Variants in MAN2A1 observed in about 807,000 individuals in gnomAD.
MAN2A1 encodes the protein alpha-mannosidase 2.
In MAN2A1, 76 loss-of-function variants were observed where a neutral mutation model predicts 142.6. The ratio of observed to expected loss-of-function variants is 0.53; its 90% CI spans 0.44 to 0.65. The LOEUF is 0.65. MAN2A1 is among the 30% of genes least tolerant of loss of function. The pLI, the probability that MAN2A1 is intolerant of heterozygous loss-of-function variation, is 0.00. For missense variants in MAN2A1, 1,311 were observed against 1,365.1 expected, an observed-to-expected ratio of 0.96 and a Z score of 0.62; for synonymous variants, 559 against 473.2, an observed-to-expected ratio of 1.18 and a Z score of -2.35.
chr5:109,764,119 C>G (rs1752928607), intron 5 of MAN2A1, among the ~76,000 whole-genome samples: 1 of 152,030 alleles, frequency 6.6e-6, no homozygotes, highest in Non-Finnish European at 1.5e-5. Context: ...CTTTTTTGAG[C>G]TTTTAAAGTT....
intron 5 of MAN2A1, among the ~76,000 whole-genome samples, chr5:109,758,461 C>T (rs986562477): frequency 6.6e-6 from 1 of 151,452 alleles, no homozygotes; most frequent in African/African-American, 2.4e-5. Flanking sequence ...TTTATTTTCT[C>T]ATTCTGTGGT....
In MAN2A1 at chr5:109,819,879, C is replaced by A. The variant is rs943823136; in HGVS notation, c.2320C>A (p.Leu774Ile). The A allele has an allele frequency of 6.3e-7, 1 of 1,580,196 alleles. No homozygotes were observed. Among genetic ancestry groups the A allele is most frequent in the Non-Finnish European group, 8.6e-7 (1 of 1,161,660 alleles). ...FVLLRFDQTG[L>I]MKQMMTKEDG... is the part of the protein sequence containing the mutation. ...TTTACTTCGGTTTGATCAAACTGGA[C>A]TTATGAAGGTATGTTCTGAATAGTT... The change falls in exon 14 of 22, where the codon CTT (leucine) becomes ATT (isoleucine). Residue 774 changes from leucine (L) to isoleucine (I), a missense_variant. Physicochemically the swap from Leu to Ile is conservative, Grantham distance 5 (BLOSUM62 2). This residue lies in a region of MAN2A1 where 890 missense variants were observed against 920.5 expected (regional missense o/e 0.97). Transcript: ENST00000261483.
chr5:109,729,992 G>C (rs758917715), intron 4 of MAN2A1, among the ~76,000 whole-genome samples: 11 of 151,882 alleles, frequency 7.2e-5, no homozygotes, highest in Non-Finnish European at 1.3e-4. Context: ...ACTCTGCCTT[G>C]GGGGAAAAAA....
intron 1 of MAN2A1, among the ~76,000 whole-genome samples, chr5:109,698,542 ATTTG>A (rs1208104235): frequency 6.6e-6 from 1 of 151,654 alleles, no homozygotes; most frequent in East Asian, 1.9e-4. Context: ...TTTTTTAAGT[ATTTG>A]TTTTTTTGCA....
At chr5:109,843,758 AAT>A (rs1755277197) in intron 17 of MAN2A1, among the ~76,000 whole-genome samples, 2 of 152,234 alleles carry the variant, frequency 1.3e-5, no homozygotes, top group African/African-American at 2.4e-5. Context: ...TCTCCAATTT[AAT>A]AGAGCACTTT....
chr5:109,709,364 T>A (rs2112556309), intron 1 of MAN2A1, among the ~76,000 whole-genome samples: 1 of 152,176 alleles, frequency 6.6e-6, no homozygotes, highest in South Asian at 2.1e-4. Flanking sequence ...ATTGAGAGGG[T>A]TTAATCAAAA....
intron 19 of MAN2A1, among the ~76,000 whole-genome samples, chr5:109,852,595 C>T (rs1240121320): frequency 6.6e-6 from 1 of 152,134 alleles, no homozygotes; most frequent in Non-Finnish European, 1.5e-5. Flanking sequence ...TGGTTTGGAT[C>T]AGAAGGTGCT....
intron 4 of MAN2A1, among the ~76,000 whole-genome samples, chr5:109,746,775 C>G (rs547565978): frequency 1.3e-5 from 2 of 152,134 alleles, no homozygotes; most frequent in African/African-American, 2.4e-5. Flanking sequence ...ATTCCCGTTC[C>G]TCTTGCTCCT....
chr5:109,774,023 A>G (rs1332841344), intron 7 of MAN2A1, among the ~76,000 whole-genome samples: 1 of 152,162 alleles, frequency 6.6e-6, no homozygotes, highest in Non-Finnish European at 1.5e-5. Context: ...TAATTCAGTG[A>G]TTTCCAAAGG....
In MAN2A1 at chr5:109,847,722, A is replaced by G. The variant is rs1018968092; in HGVS notation, c.2908A>G (p.Ile970Val). Residue 970 changes from isoleucine (I) to valine (V), a missense_variant, in exon 19 of 22, where the codon ATC (isoleucine) becomes GTC (valine). Ile to Val is a conservative substitution (Grantham distance 29, BLOSUM62 3). Transcript: ENST00000261483. ...TGATAATCGTGGCCTTGAGCAAGGT[A>G]TCCAGGATAACAAGATTACAGCTAA... The part of the protein sequence containing the change: ...QDDNRGLEQG[I>V]QDNKITANLF... The G allele has an allele frequency of 1.2e-6, 2 of 1,603,198 alleles. No homozygotes were observed. The highest frequency in any genetic ancestry group is 2.3e-5 in the East Asian group (1 of 44,072).
intron 5 of MAN2A1, among the ~76,000 whole-genome samples, chr5:109,766,320 C>A (rs1561500901): frequency 6.6e-6 from 1 of 152,136 alleles, no homozygotes; most frequent in South Asian, 2.1e-4. Flanking sequence ...ACCACAAAAA[C>A]CAAAGTTACT....
chr5:109,828,888 G>A (rs1580295190), intron 16 of MAN2A1, among the ~76,000 whole-genome samples: 1 of 152,072 alleles, frequency 6.6e-6, no homozygotes, highest in African/African-American at 2.4e-5. Context: ...TTTAGCAATC[G>A]AACAGAGTTG....
chr5:109,763,804 CT>C (rs34748595), intron 5 of MAN2A1, among the ~76,000 whole-genome samples: 433 of 143,602 alleles, frequency 3.0e-3, no homozygotes, highest in African/African-American at 5.0e-3. Flanking sequence ...ACCATTATAA[CT>C]TTTTTTTTTT....
At chr5:109,716,616 T>C (rs1751459889) in intron 3 of MAN2A1, among the ~76,000 whole-genome samples, 1 of 152,212 alleles carries the variant, frequency 6.6e-6, no homozygotes, top group Admixed American at 6.5e-5. Flanking sequence ...GGTCTACTTT[T>C]AGAAAAGGCA....
chr5:109,716,083 T>A, intron 2 of MAN2A1, 37 bp from the exon 3 acceptor site: 1 of 1,423,962 alleles, frequency 7.0e-7, no homozygotes. Flanking sequence ...AAATTAATAA[T>A]TGTTAAACTT....
intron 4 of MAN2A1, among the ~76,000 whole-genome samples, chr5:109,741,849 A>G (rs1039702458): frequency 1.1e-4 from 17 of 152,234 alleles, no homozygotes; most frequent in African/African-American, 4.1e-4. Context: ...AATTTAATCA[A>G]TTATAATCAT....
chr5:109,708,983 G>A (rs1751219348), intron 1 of MAN2A1, among the ~76,000 whole-genome samples: 1 of 152,208 alleles, frequency 6.6e-6, no homozygotes, highest in Non-Finnish European at 1.5e-5. Flanking sequence ...ACCTGGGGCA[G>A]CTCAATAATT....
chr5:109,701,281 C>A (rs1361254853), intron 1 of MAN2A1, among the ~76,000 whole-genome samples: 1 of 152,242 alleles, frequency 6.6e-6, no homozygotes, highest in East Asian at 1.9e-4. Flanking sequence ...CCCTATGGGA[C>A]GATACTTTGA....
intron 17 of MAN2A1, among the ~76,000 whole-genome samples, chr5:109,845,183 A>T (rs1755315350): frequency 1.3e-5 from 2 of 152,102 alleles, no homozygotes; most frequent in South Asian, 4.2e-4. Context: ...TTCACTGATA[A>T]TAGGGTTCTG....
Sources: gnomAD v4.1 joint callset for allele counts (sites outside exome capture counted in the v4.1 genomes callset) on GRCh38, gnomAD v4.1.1 for gene constraint, gnomAD v4.1.1 regional missense constraint, MANE v1.5 for transcripts, NCBI Gene and HGNC (gene_info 2026-07-23, HGNC 2026-07-21) for gene names.